The following NTNG2 variants were observed in gnomAD, a reference collection of about 807,000 sequenced individuals.
The protein encoded by NTNG2 is netrin G2, also known as netrin-G2.
Under a neutral mutation model 47.6 loss-of-function variants are expected in NTNG2, and 15 were observed. The observed-to-expected ratio is 0.32, with a 90% CI of 0.21 to 0.49. The LOEUF is 0.49. Among genes scored for constraint, NTNG2 ranks in the 20% least tolerant of loss-of-function variants. NTNG2 has a pLI of 0.99. For synonymous variants in NTNG2, 307 were observed against 324.6 expected (o/e 0.95, Z 0.58); for missense variants, 578 against 764.6 (o/e 0.76, Z 2.88).
intron 3 of NTNG2, among the ~76,000 whole-genome samples, chr9:132,219,215 C>CA (rs1840188704): frequency 8.4e-6 from 1 of 119,138 alleles, no homozygotes; most frequent in Non-Finnish European, 1.8e-5. Flanking sequence ...GACTCTGTCT[C>CA]AAAACAAAAA....
chr9:132,234,960 C>T (rs949979796), intron 5 of NTNG2, among the ~76,000 whole-genome samples: 16 of 152,382 alleles, frequency 1.0e-4, no homozygotes, highest in African/African-American at 3.4e-4. Flanking sequence ...TCCCCTGTCC[C>T]TCTGGGTTTG....
At chr9:132,214,426 C>T (rs1469751094) in intron 3 of NTNG2, among the ~76,000 whole-genome samples, 1 of 152,228 alleles carries the variant, frequency 6.6e-6, no homozygotes, top group Non-Finnish European at 1.5e-5. Flanking sequence ...CTGTCAGGCC[C>T]CCAGCTGGGC....
At chr9:132,203,951 A>G (rs1251336992) in intron 3 of NTNG2, among the ~76,000 whole-genome samples, 1 of 152,184 alleles carries the variant, frequency 6.6e-6, no homozygotes, top group Non-Finnish European at 1.5e-5. Flanking sequence ...ATTCAAGCCC[A>G]GTGGGTGGTG....
Position 132,217,880 on chromosome 9 carries a change from G to C in NTNG2, c.858-8969G>C, listed in dbSNP as rs537336209. ...TTACCATCTCTCAGTCACCCAGAAA[G>C]ACAAAAGGAAGGCACACAAACCCCA... On this transcript the variant is annotated intron_variant, in intron 3 of 7. Transcript: ENST00000393229. Among the ~76,000 whole-genome samples the C allele has an allele frequency of 9.8e-5, 15 of 152,334 alleles. No homozygotes were observed. The East Asian group carries it at 2.5e-3, about 25-fold the overall frequency.
intron 2 of NTNG2, among the ~76,000 whole-genome samples, chr9:132,184,741 T>C (rs1197558836): frequency 1.3e-5 from 2 of 152,096 alleles, no homozygotes; most frequent in East Asian, 3.9e-4. Context: ...CTGACCAACA[T>C]GGGGAAACCC....
chr9:132,219,126 A>G (rs777056403), intron 3 of NTNG2, among the ~76,000 whole-genome samples: 6 of 152,126 alleles, frequency 3.9e-5, no homozygotes, highest in South Asian at 4.2e-4. Flanking sequence ...CTGAGGCAGG[A>G]GAATCACTTG....
intron 2 of NTNG2, among the ~76,000 whole-genome samples, chr9:132,183,178 T>A (rs1239157248): frequency 6.6e-6 from 1 of 152,036 alleles, no homozygotes; most frequent in Non-Finnish European, 1.5e-5. Context: ...TGCCGAGGGG[T>A]GCCAGCTCTC....
intron 3 of NTNG2, among the ~76,000 whole-genome samples, chr9:132,202,734 C>A (rs2130769329): frequency 6.6e-6 from 1 of 152,318 alleles, no homozygotes; most frequent in Middle Eastern, 3.4e-3. Context: ...CCTGACCCAG[C>A]ATCTCACAGG....
At position 132,236,060 on chromosome 9, in the gene NTNG2, G is replaced by A. The variant is rs958032674; in HGVS notation, c.1055-3044G>A. 1.1e-4 allele frequency among the ~76,000 whole-genome samples: 17 copies of A among 152,228 alleles called. No individual in the cohort carries two copies. Among genetic ancestry groups the A allele is most frequent in the Admixed American group, 5.9e-4 (9 of 15,290 alleles). ...GTCTGGTAGAGGCCCCGCCTCCCAC[G>A]ACAGGAACCCCCCTCTCCAGCTGCC... On this transcript the variant is annotated intron_variant, in intron 5 of 7. Coordinates refer to ENST00000393229, the MANE Select transcript of NTNG2 (RefSeq NM_032536.4). This position sits in a 1 kb window ranked among gnomAD's most constrained non-coding sequence, Gnocchi z 4.3.
chr9:132,202,708 A>G lies in NTNG2; in HGVS notation c.857+4099A>G, dbSNP rs900837621. ...CCCCACCCTCCACACAACCATTAAGAGAAGCGGGGCCCAAACCTGACCCAG... is the reference window on the plus strand; with the variant it reads ...CCCCACCCTCCACACAACCATTAAGGGAAGCGGGGCCCAAACCTGACCCAG... On this transcript the variant is annotated intron_variant, in intron 3 of 7. Coordinates refer to ENST00000393229, the MANE Select transcript of NTNG2 (RefSeq NM_032536.4). Among the ~76,000 whole-genome samples the G allele has an allele frequency of 3.9e-5, 6 of 152,290 alleles. 1 individual carries two copies. In the South Asian group the frequency reaches 1.2e-3, roughly 32 times the overall value.
rs970958393 is a variant in NTNG2 at position 132,208,335 on chromosome 9, C to A, written c.857+9726C>A. Among the ~76,000 whole-genome samples, 10 of 152,060 alleles carry A rather than the reference C, an allele frequency of 6.6e-5. No individual in the cohort carries two copies. Among genetic ancestry groups the A allele is most frequent in the Admixed American group, 2.0e-4 (3 of 15,274 alleles). On this transcript the variant is annotated intron_variant, in intron 3 of 7. Transcript: ENST00000393229. The surrounding 1 kb of genome is among the most constrained non-coding windows in gnomAD (Gnocchi z 4.0). ...AGATTCCAAAGAAGAGCAGGCAGGG[C>A]CAGATCACGCCAGCCCTGCAGCCCC...
intron 2 of NTNG2, among the ~76,000 whole-genome samples, chr9:132,179,138 T>C (rs1038157812): frequency 7.2e-5 from 11 of 152,132 alleles, no homozygotes; most frequent in Non-Finnish European, 1.2e-4. Flanking sequence ...ACTGGAGCCA[T>C]GAGGACAGGG....
At chr9:132,186,926 C>T (rs772807460) in intron 2 of NTNG2, among the ~76,000 whole-genome samples, 8 of 152,262 alleles carry the variant, frequency 5.3e-5, no homozygotes, top group Admixed American at 1.3e-4. Flanking sequence ...AGAGTTCACA[C>T]TCACAGAAGG....
chr9:132,239,381 G>A, intron 6 of NTNG2, 110 bp downstream of exon 6: 1 of 1,050,598 alleles, frequency 9.5e-7, no homozygotes, highest in Non-Finnish European at 1.4e-6. Flanking sequence ...TGGGGAGACT[G>A]TGGGAATTCT....
chr9:132,163,761 C>A lies in NTNG2; in HGVS notation c.-484+1522C>A, dbSNP rs1835279556. On this transcript the variant is annotated intron_variant, in intron 1 of 7. Transcript: ENST00000393229. This position sits in a 1 kb window ranked among gnomAD's most constrained non-coding sequence, Gnocchi z 7.2. Reference sequence around the variant, plus strand: ...AAGAGGAACCTGCTGGCGAGCCCAGCCAGCTCGGGAGGCGCTAATTCAATA... The same window carrying A: ...AAGAGGAACCTGCTGGCGAGCCCAGACAGCTCGGGAGGCGCTAATTCAATA... 6.6e-6 allele frequency among the ~76,000 whole-genome samples: 1 copy of A among 152,242 alleles called. No homozygotes were observed. The highest frequency in any genetic ancestry group is 2.1e-4 in the South Asian group (1 of 4,834).
At chr9:132,241,782 C>CTA in intron 7 of NTNG2, 94 bp from the exon 8 acceptor site, 1 of 917,152 alleles carries the variant, frequency 1.1e-6, no homozygotes, top group Non-Finnish European at 1.6e-6. Flanking sequence ...CCAGACGGCG[C>CTA]CCCCGGGATC....
At chr9:132,220,097 G>T (rs1481630711) in intron 3 of NTNG2, among the ~76,000 whole-genome samples, 1 of 152,152 alleles carries the variant, frequency 6.6e-6, no homozygotes, top group South Asian at 2.1e-4. Context: ...CTGTAATGTT[G>T]AACATGTTTT....
chr9:132,224,489 G>C (rs1208288078), intron 3 of NTNG2, among the ~76,000 whole-genome samples: 2 of 152,132 alleles, frequency 1.3e-5, no homozygotes, highest in Non-Finnish European at 2.9e-5. Flanking sequence ...TCCAATCACT[G>C]ATTTTGTTCA....
chr9:132,199,403 G>A (rs914124649), intron 3 of NTNG2, among the ~76,000 whole-genome samples: 1 of 152,172 alleles, frequency 6.6e-6, no homozygotes, highest in African/African-American at 2.4e-5. Flanking sequence ...ACAGGAAAAG[G>A]TGCACAGGGC....
Sources: allele counts gnomAD v4.1 joint callset (sites outside exome capture counted in the v4.1 genomes callset), GRCh38; gene constraint gnomAD v4.1.1; non-coding constraint Gnocchi (gnomAD v3.1); transcripts MANE v1.5; gene names NCBI Gene and HGNC (gene_info 2026-07-23, HGNC 2026-07-21).